Variants in RCHY1 observed in about 807,000 individuals in gnomAD.
RCHY1 encodes the protein RING finger and CHY zinc finger domain-containing protein 1.
In RCHY1, 21 loss-of-function variants were observed where a neutral mutation model predicts 41.6. That is an observed-to-expected ratio of 0.51 (90% CI 0.36 to 0.73). The LOEUF (loss-of-function observed/expected upper bound fraction) is 0.73, where lower values mean the gene tolerates loss of function less well. RCHY1 is among the 30% of genes least tolerant of loss of function. The probability of loss-of-function intolerance (pLI) is 0.00; values close to 1 mark genes in which losing one functional copy is unlikely to be tolerated. For missense variants in RCHY1, 265 were observed against 325.3 expected, an observed-to-expected ratio of 0.81 and a Z score of 1.43; for synonymous variants, 79 against 102.9, an observed-to-expected ratio of 0.77 and a Z score of 1.41.
rs1721496316 is a variant in RCHY1, at chr4:75,481,170, A to G, written c.*1368T>C. 6.6e-6 allele frequency: 1 copy of G among 152,250 alleles called. No individual in the cohort carries two copies. The highest frequency in any genetic ancestry group is 1.5e-5 in the Non-Finnish European group (1 of 68,050). The allele number at this position is 152,250 out of a possible 1,614,324, so 9.4% of individuals were successfully genotyped here. ...AGAAGACAAGAAGGTGGGATAAAAT[A>G]AAGATCTGAGTCCCAAACTGCTGCC... is the stretch of plus-strand genomic sequence containing the variant. On this transcript the variant is annotated 3_prime_UTR_variant, in exon 9 of 9. Coordinates refer to ENST00000324439, the MANE Select transcript of RCHY1 (RefSeq NM_015436.4).
At chr4:75,507,200 G>A (rs1235793284) in intron 3 of RCHY1, among the ~76,000 whole-genome samples, 2 of 151,862 alleles carry the variant, frequency 1.3e-5, no homozygotes, top group African/African-American at 4.8e-5. Flanking sequence ...AGGAAAGAAG[G>A]GCAATAGAAA....
upstream of RCHY1, chr4:75,514,514 G>A (rs960677775): frequency 1.9e-6 from 1 of 514,232 alleles, no homozygotes; most frequent in Non-Finnish European, 3.5e-6. Flanking sequence ...AGTCTTCGCT[G>A]CTAACGGTAA....
At chr4:75,496,614 G>A (rs1723233418) in intron 3 of RCHY1, among the ~76,000 whole-genome samples, 1 of 152,086 alleles carries the variant, frequency 6.6e-6, no homozygotes, top group Non-Finnish European at 1.5e-5. Context: ...GGCTCCGGGT[G>A]GAGTATTCAG....
chr4:75,502,335 T>C (rs2148756885), intron 3 of RCHY1, among the ~76,000 whole-genome samples: 1 of 152,150 alleles, frequency 6.6e-6, no homozygotes, highest in South Asian at 2.1e-4. Flanking sequence ...GGTCAGGAGA[T>C]CGAGACCATG....
intron 3 of RCHY1, among the ~76,000 whole-genome samples, chr4:75,500,235 T>C (rs564175651): frequency 6.6e-6 from 1 of 152,336 alleles, no homozygotes; most frequent in East Asian, 1.9e-4. Flanking sequence ...CAAAAATATG[T>C]ACACCTAATA....
chr4:75,482,622 A>G lies in RCHY1; in HGVS notation c.702T>C (p.His234=). 1 of 1,611,466 alleles carries G rather than the reference A, an allele frequency of 6.2e-7. No individual in the cohort carries two copies. Among genetic ancestry groups the G allele is most frequent in the Non-Finnish European group, 8.5e-7 (1 of 1,177,996 alleles). The change falls in exon 9 of 9, where the codon CAT becomes CAC. Residue 234 remains histidine (H), a synonymous_variant. Transcript: ENST00000324439. ...DCNGRSTVQF[H]ILGMKCKICE... ...AAATCTTACATTTCATGCCTAATAT[A>G]TGAAACTGAACAGTGGATCGTCCAT...
chr4:75,502,069 T>C (rs1282663087), intron 3 of RCHY1, among the ~76,000 whole-genome samples: 2 of 150,844 alleles, frequency 1.3e-5, no homozygotes, highest in Admixed American at 6.6e-5. Context: ...TGAAACTCTG[T>C]CTCAAAAAAA....
At chr4:75,504,776 T>G (rs1185088883) in intron 3 of RCHY1, among the ~76,000 whole-genome samples, 3 of 152,232 alleles carry the variant, frequency 2.0e-5, no homozygotes. Context: ...AGTGTTCAAA[T>G]TCTTAGTAAA....
chr4:75,502,612 T>C (rs1329333178), intron 3 of RCHY1, among the ~76,000 whole-genome samples: 1 of 152,222 alleles, frequency 6.6e-6, no homozygotes, highest in African/African-American at 2.4e-5. Flanking sequence ...CTCATTCTAT[T>C]CTGTTTGCAA....
chr4:75,500,373 G>A (rs1206040234), intron 3 of RCHY1, among the ~76,000 whole-genome samples: 1 of 152,004 alleles, frequency 6.6e-6, no homozygotes, highest in African/African-American at 2.4e-5. Flanking sequence ...TTTTTAAAAA[G>A]CTTATTCTTG....
At position 75,514,256 on chromosome 4, in the gene RCHY1, T is replaced by C. The variant is rs2148792880; in HGVS notation, c.31A>G (p.Ser11Gly). Residue 11 changes from serine to glycine, a missense_variant, in exon 1 of 9, where the codon AGC (serine) becomes GGC (glycine). Coordinates refer to ENST00000324439, the MANE Select transcript of RCHY1 (RefSeq NM_015436.4). MAATAREDGASGQERGQRGCE... is the reference protein window; with the variant it reads MAATAREDGAGGQERGQRGCE... ...CCCCGCTGACCTCGCTCTTGACCGC[T>C]GGCGCCATCTTCCCGGGCCGTCGCC... is the stretch of plus-strand genomic sequence containing the variant. The C allele has an allele frequency of 1.2e-6, 2 of 1,612,896 alleles. No homozygotes were observed. The highest frequency in any genetic ancestry group is 2.2e-5 in the South Asian group (2 of 91,056).
Position 75,491,939 on chromosome 4 carries a change from T to TA in RCHY1, c.406-7dup. ...CGGGACACATTTTCAATACACTGTT[T>TA]AAAAGAGAAATTCACATTAACAAAA... On this transcript the variant is annotated splice_region_variant and splice_polypyrimidine_tract_variant and intron_variant, in intron 4 of 8. Coordinates refer to ENST00000324439, the MANE Select transcript of RCHY1 (RefSeq NM_015436.4). The TA allele has an allele frequency of 6.3e-7, 1 of 1,583,726 alleles. No homozygotes were observed. The highest frequency in any genetic ancestry group is 8.6e-7 in the Non-Finnish European group (1 of 1,168,316).
intron 1 of RCHY1, among the ~76,000 whole-genome samples, chr4:75,512,914 G>C (rs868134195): frequency 1.9e-4 from 23 of 124,216 alleles, no homozygotes; most frequent in Non-Finnish European, 3.1e-4. Context: ...GGGGGGGGGG[G>C]GGCGGGGGAA....
At chr4:75,496,621 T>C (rs1723234479) in intron 3 of RCHY1, among the ~76,000 whole-genome samples, 1 of 152,110 alleles carries the variant, frequency 6.6e-6, no homozygotes, top group Admixed American at 6.6e-5. Flanking sequence ...GGTGGAGTAT[T>C]CAGAAGGATA....
chr4:75,489,251 T>C (rs1560514888), intron 8 of RCHY1, among the ~76,000 whole-genome samples: 1 of 152,212 alleles, frequency 6.6e-6, no homozygotes, highest in Non-Finnish European at 1.5e-5. Flanking sequence ...AAACTTCACG[T>C]ACATTTCTGC....
intron 8 of RCHY1, among the ~76,000 whole-genome samples, chr4:75,488,024 G>A (rs1417369905): frequency 6.8e-6 from 1 of 146,598 alleles, no homozygotes; most frequent in Non-Finnish European, 1.5e-5. Context: ...CTCTAACTTT[G>A]GCATGCTACA....
chr4:75,514,146 C>A, intron 1 of RCHY1, 51 bp downstream of exon 1: 1 of 1,577,962 alleles, frequency 6.3e-7, no homozygotes, highest in South Asian at 1.1e-5. Context: ...CAGCCCGCCC[C>A]AGCCCAACCT....
At chr4:75,504,415 T>C (rs1232139235) in intron 3 of RCHY1, among the ~76,000 whole-genome samples, 1 of 152,182 alleles carries the variant, frequency 6.6e-6, no homozygotes, top group African/African-American at 2.4e-5. Flanking sequence ...ATGAAGACCT[T>C]TATGATGATC....
intron 8 of RCHY1, among the ~76,000 whole-genome samples, chr4:75,483,670 T>G (rs1297052461): frequency 1.3e-5 from 2 of 152,218 alleles, no homozygotes; most frequent in African/African-American, 4.8e-5. Flanking sequence ...GTCAATCACA[T>G]GATTATCGGT....
Sources: allele counts gnomAD v4.1 joint callset (sites outside exome capture counted in the v4.1 genomes callset), GRCh38; gene constraint gnomAD v4.1.1; transcripts MANE v1.5; gene names NCBI Gene and HGNC (gene_info 2026-07-23, HGNC 2026-07-21).